NRP1: variants seen among roughly 807,000 people sequenced by gnomAD.
The protein encoded by NRP1 is neuropilin-1.
Under a neutral mutation model 106.7 loss-of-function variants are expected in NRP1, and 35 were observed. The ratio of observed to expected loss-of-function variants is 0.33; its 90% confidence interval spans 0.25 to 0.43. The LOEUF (loss-of-function observed/expected upper bound fraction) is 0.43. NRP1 is among the 20% of genes least tolerant of loss of function. NRP1 has a pLI of 1.00. For missense variants in NRP1, 1,024 were observed against 1,170.4 expected (o/e 0.87, Z 1.83); for synonymous variants, 437 against 417.9 (o/e 1.05, Z -0.56).
At chr10:33,298,364 C>T (rs558889834) in intron 2 of NRP1, among the ~76,000 whole-genome samples, 16 of 152,264 alleles carry the variant, frequency 1.1e-4, no homozygotes, top group South Asian at 2.1e-4. Flanking sequence ...CCTGTTCTGG[C>T]GCTGGGCTAT....
At chr10:33,223,677 G>A (rs1237369615) in intron 7 of NRP1, among the ~76,000 whole-genome samples, 5 of 152,132 alleles carry the variant, frequency 3.3e-5, no homozygotes, top group African/African-American at 7.2e-5. Flanking sequence ...CTCTTGAGAC[G>A]ATCTGATATC....
chr10:33,259,357 A>G (rs939102982), intron 4 of NRP1, among the ~76,000 whole-genome samples: 3 of 152,204 alleles, frequency 2.0e-5, no homozygotes, highest in African/African-American at 4.8e-5. Context: ...AATACAAAGA[A>G]GTATTGAATT....
At chr10:33,239,084 A>T (rs1840804874) in intron 6 of NRP1, among the ~76,000 whole-genome samples, 2 of 152,072 alleles carry the variant, frequency 1.3e-5, no homozygotes, top group South Asian at 4.2e-4. Flanking sequence ...TGAGCTCAGG[A>T]GTTCAAGATC....
intron 6 of NRP1, among the ~76,000 whole-genome samples, chr10:33,242,521 TA>T (rs1411183657): frequency 1.3e-5 from 2 of 152,236 alleles, no homozygotes; most frequent in African/African-American, 4.8e-5. Flanking sequence ...CCCCATTTTT[TA>T]AGGTGGAAAA....
At chr10:33,317,426 A>G (rs1847118000) in intron 2 of NRP1, among the ~76,000 whole-genome samples, 1 of 152,240 alleles carries the variant, frequency 6.6e-6, no homozygotes, top group Non-Finnish European at 1.5e-5. Context: ...TACTAGAAAT[A>G]GAGGGGAAAT....
chr10:33,275,912 A>C (rs1294545721), intron 2 of NRP1, among the ~76,000 whole-genome samples: 1 of 152,118 alleles, frequency 6.6e-6, no homozygotes, highest in Non-Finnish European at 1.5e-5. Flanking sequence ...TCTGTCTCTA[A>C]AATTAAAAAC....
At chr10:33,251,209 G>A (rs537540367) in intron 6 of NRP1, among the ~76,000 whole-genome samples, 17 of 152,182 alleles carry the variant, frequency 1.1e-4, no homozygotes, top group East Asian at 9.6e-4. Flanking sequence ...TCCTTCACTC[G>A]CCTCTTTCAC....
chr10:33,241,563 C>T (rs1841021076), intron 6 of NRP1, among the ~76,000 whole-genome samples: 1 of 152,058 alleles, frequency 6.6e-6, no homozygotes, highest in Non-Finnish European at 1.5e-5. Flanking sequence ...CGGTTGGATA[C>T]CTCTATTTCA....
intron 7 of NRP1, among the ~76,000 whole-genome samples, chr10:33,222,535 A>ATTTTTTTT (rs3035281): frequency 5.8e-5 from 7 of 120,136 alleles, no homozygotes; most frequent in Admixed American, 4.9e-4. Flanking sequence ...TTATTTATTT[A>ATTTTTTTT]TTTAAGATGG....
chr10:33,289,360 C>T (rs4934858), intron 2 of NRP1, among the ~76,000 whole-genome samples: 93,629 of 151,970 alleles, frequency 0.62, 29,245 homozygotes, highest in East Asian at 0.68. Flanking sequence ...CGTTACCTAA[C>T]GCCTATTAGT....
chr10:33,213,292 G>C (rs1437754678), intron 9 of NRP1, 94 bp downstream of exon 9: 1 of 1,613,880 alleles, frequency 6.2e-7, no homozygotes, highest in African/African-American at 1.3e-5. Flanking sequence ...ATGGCTGGAA[G>C]GAAATAAGAA....
intron 10 of NRP1, among the ~76,000 whole-genome samples, chr10:33,204,316 C>G (rs149070938): frequency 2.0e-5 from 3 of 152,132 alleles, no homozygotes; most frequent in Non-Finnish European, 4.4e-5. Flanking sequence ...ACTTCTTCAA[C>G]GGCCCAAAGA....
At chr10:33,310,761 A>G (rs1294134244) in intron 2 of NRP1, among the ~76,000 whole-genome samples, 5 of 152,200 alleles carry the variant, frequency 3.3e-5, no homozygotes, top group African/African-American at 1.2e-4. Flanking sequence ...TTTCGTGGGA[A>G]GAAATAAGCG....
intron 9 of NRP1, among the ~76,000 whole-genome samples, chr10:33,210,267 T>C (rs1009367524): frequency 2.6e-5 from 4 of 152,186 alleles, no homozygotes; most frequent in South Asian, 2.1e-4. Flanking sequence ...CTGCCAGTAA[T>C]TGAGACTCTG....
At chr10:33,244,127 C>T (rs982994770) in intron 6 of NRP1, among the ~76,000 whole-genome samples, 1 of 152,116 alleles carries the variant, frequency 6.6e-6, no homozygotes, top group Non-Finnish European at 1.5e-5. Context: ...TTGGAATTTA[C>T]AGGGTTCAGC....
intron 13 of NRP1, among the ~76,000 whole-genome samples, chr10:33,191,481 T>C (rs1427262232): frequency 6.6e-6 from 1 of 152,206 alleles, no homozygotes; most frequent in South Asian, 2.1e-4. Context: ...AATTGTTTCT[T>C]TAGTTGTAAA....
intron 11 of NRP1, among the ~76,000 whole-genome samples, chr10:33,199,054 T>C (rs1028343022): frequency 1.3e-5 from 2 of 152,058 alleles, no homozygotes; most frequent in African/African-American, 4.8e-5. Context: ...TTCCCACTGT[T>C]CATCATTATA....
chr10:33,256,153 C>T (rs11593943), intron 5 of NRP1, among the ~76,000 whole-genome samples, 163 bp downstream of exon 5: 47,065 of 152,056 alleles, frequency 0.31, 8,048 homozygotes, highest in Non-Finnish European at 0.39. Context: ...CCAAACAGTT[C>T]TTCCTATTGA....
intron 9 of NRP1, among the ~76,000 whole-genome samples, chr10:33,210,687 A>G (rs544274306): frequency 9.2e-5 from 14 of 152,340 alleles, no homozygotes; most frequent in African/African-American, 3.1e-4. Context: ...CTTGCCCATT[A>G]CCCACTATTT....
Sources: gnomAD v4.1 joint callset for allele counts (sites outside exome capture counted in the v4.1 genomes callset) on GRCh38, gnomAD v4.1.1 for gene constraint, MANE v1.5 for transcripts, NCBI Gene and HGNC (gene_info 2026-07-23, HGNC 2026-07-21) for gene names.